HDAC9: variants seen among roughly 807,000 people sequenced by gnomAD.
The protein encoded by HDAC9 is MEF-2 interacting transcription repressor (MITR) protein.
Under a neutral mutation model 139.4 loss-of-function variants are expected in HDAC9, and 41 were observed. The observed-to-expected ratio is 0.29, with a 90% CI of 0.23 to 0.38. The LOEUF is 0.38. HDAC9 is among the 10% of genes least tolerant of loss of function. The probability of loss-of-function intolerance (pLI) is 1.00; values close to 1 mark genes in which losing one functional copy is unlikely to be tolerated. For synonymous variants in HDAC9, 517 were observed against 476.2 expected (o/e 1.09, Z -1.12); for missense variants, 1,147 against 1,297.0 (o/e 0.88, Z 1.78).
At chr7:18,885,765 T>A (rs1213256134) in intron 22 of HDAC9, among the ~76,000 whole-genome samples, 1 of 152,228 alleles carries the variant, frequency 6.6e-6, no homozygotes, top group Admixed American at 6.5e-5. Context: ...CAATGACTTT[T>A]TTGTGTAAAT....
chr7:18,366,293 G>T (rs946873642), intron 1 of HDAC9, among the ~76,000 whole-genome samples: 20 of 152,108 alleles, frequency 1.3e-4, no homozygotes, highest in Non-Finnish European at 2.5e-4. Flanking sequence ...CACAAACAGG[G>T]TCAGTTATTA....
At chr7:18,673,143 G>A (rs972992498) in intron 12 of HDAC9, among the ~76,000 whole-genome samples, 1 of 151,978 alleles carries the variant, frequency 6.6e-6, no homozygotes, top group African/African-American at 2.4e-5. Flanking sequence ...GAAGCCAGGT[G>A]TGGAAGGATG....
At chr7:18,098,257 G>A (rs779272247) in intron 1 of HDAC9, among the ~76,000 whole-genome samples, 1 of 152,188 alleles carries the variant, frequency 6.6e-6, no homozygotes, top group Non-Finnish European at 1.5e-5. Context: ...TTCTGCTGGA[G>A]CAAGACTTCT....
chr7:18,688,956 G>C (rs1307556898), intron 12 of HDAC9, among the ~76,000 whole-genome samples: 1 of 151,952 alleles, frequency 6.6e-6, no homozygotes, highest in Non-Finnish European at 1.5e-5. Context: ...AGGAAAGACA[G>C]TTTAACTTAA....
intron 14 of HDAC9, among the ~76,000 whole-genome samples, chr7:18,759,762 C>T (rs1186318005): frequency 6.6e-6 from 1 of 152,046 alleles, no homozygotes; most frequent in African/African-American, 2.4e-5. Flanking sequence ...CAGTGAATCT[C>T]GTTAGCAGAT....
At chr7:18,583,133 GTTTGT>G (rs1394844205) in intron 2 of HDAC9, among the ~76,000 whole-genome samples, 1 of 151,894 alleles carries the variant, frequency 6.6e-6, no homozygotes, top group Non-Finnish European at 1.5e-5. Flanking sequence ...TTTCTAATAT[GTTTGT>G]TTTGTTAGCT....
chr7:18,330,746 A>C (rs1351375779), intron 1 of HDAC9, among the ~76,000 whole-genome samples: 1 of 151,714 alleles, frequency 6.6e-6, no homozygotes, highest in Non-Finnish European at 1.5e-5. Flanking sequence ...CAAAATAGAA[A>C]CTGCTGACAG....
intron 2 of HDAC9, among the ~76,000 whole-genome samples, chr7:18,277,702 G>A (rs957631101): frequency 6.6e-6 from 1 of 151,988 alleles, no homozygotes; most frequent in African/African-American, 2.4e-5. Context: ...CGACTGTCTT[G>A]ATTAATTTCC....
At chr7:18,152,136 G>A (rs1412477154) in intron 1 of HDAC9, among the ~76,000 whole-genome samples, 1 of 151,718 alleles carries the variant, frequency 6.6e-6, no homozygotes, top group East Asian at 1.9e-4. Context: ...AGCTATCAGG[G>A]CTGCAGTGTT....
At chr7:18,693,849 C>T (rs1324775545) in intron 12 of HDAC9, among the ~76,000 whole-genome samples, 1 of 152,148 alleles carries the variant, frequency 6.6e-6, no homozygotes, top group Admixed American at 6.6e-5. Context: ...TGTTGCTGTG[C>T]ATTAGTGAGG....
intron 1 of HDAC9, among the ~76,000 whole-genome samples, chr7:18,468,175 C>T (rs1193786987): frequency 7.2e-5 from 11 of 152,090 alleles, no homozygotes. Flanking sequence ...TTTTATACTC[C>T]ACTCTTTAGA....
intron 6 of HDAC9, among the ~76,000 whole-genome samples, chr7:18,612,330 A>G (rs1183342004): frequency 1.3e-5 from 2 of 152,116 alleles, no homozygotes; most frequent in African/African-American, 4.8e-5. Flanking sequence ...ACCACTACAT[A>G]TACATATGTA....
At position 18,713,434 on chromosome 7, in the gene HDAC9, T is replaced by A. The variant is rs868616708; in HGVS notation, c.1732-14146T>A. ...ACACAAAATAATTAAGTACGTGAGG[T>A]AACATATATGTTAATTAGATTGATT... On this transcript the variant is annotated intron_variant, in intron 12 of 25. Coordinates refer to ENST00000686413, the MANE Select transcript of HDAC9 (RefSeq NM_178425.4). Among the ~76,000 whole-genome samples, 33 of 152,282 alleles carry A rather than the reference T, an allele frequency of 2.2e-4. No homozygotes were observed. The Middle Eastern group carries it at 0.017, about 78-fold the overall frequency.
chr7:18,918,824 A>G (rs1165489882), intron 22 of HDAC9, among the ~76,000 whole-genome samples: 1 of 152,084 alleles, frequency 6.6e-6, no homozygotes, highest in Non-Finnish European at 1.5e-5. Flanking sequence ...GGAATTAATG[A>G]GAGTTCTCCT....
At chr7:18,542,844 G>A (rs1049718832) in intron 2 of HDAC9, among the ~76,000 whole-genome samples, 52 of 151,990 alleles carry the variant, frequency 3.4e-4, no homozygotes, top group African/African-American at 1.2e-3. Context: ...TCCTAAGTGT[G>A]TAATATGTTA....
At chr7:18,166,355 T>C (rs1483080071) in intron 2 of HDAC9, among the ~76,000 whole-genome samples, 2 of 152,218 alleles carry the variant, frequency 1.3e-5, no homozygotes, top group East Asian at 3.8e-4. Flanking sequence ...AAGCTATTTA[T>C]AGAAGTGAAA....
intron 2 of HDAC9, among the ~76,000 whole-genome samples, chr7:18,547,907 T>TTCTCCCTCCCTC (rs942436633): frequency 2.4e-5 from 3 of 125,198 alleles, no homozygotes; most frequent in Non-Finnish European, 3.3e-5. Context: ...CTCTCTCCCT[T>TTCTCCCTCCCTC]TCTCCCTCCC....
At chr7:18,184,929 T>A (rs1789787374) in intron 2 of HDAC9, among the ~76,000 whole-genome samples, 1 of 152,226 alleles carries the variant, frequency 6.6e-6, no homozygotes, top group African/African-American at 2.4e-5. Flanking sequence ...TTAGTCTGTA[T>A]CCTGCATGTC....
intron 22 of HDAC9, among the ~76,000 whole-genome samples, chr7:18,890,469 T>C (rs113030089): frequency 6.6e-6 from 1 of 152,222 alleles, no homozygotes; most frequent in South Asian, 2.1e-4. Flanking sequence ...CAGACATCTA[T>C]GTAACAAGGA....
Sources: allele counts gnomAD v4.1 joint callset (sites outside exome capture counted in the v4.1 genomes callset), GRCh38; gene constraint gnomAD v4.1.1; transcripts MANE v1.5; gene names NCBI Gene and HGNC (gene_info 2026-07-23, HGNC 2026-07-21).